ST18: variants seen among roughly 807,000 people sequenced by gnomAD.
The protein encoded by ST18 is suppression of tumorigenicity 18 protein.
A neutral mutation model predicts 110.0 loss-of-function variants in ST18; 50 were observed. The ratio of observed to expected loss-of-function variants is 0.45; its 90% CI spans 0.36 to 0.58. The LOEUF is 0.58. Among genes scored for constraint, ST18 ranks in the 20% least tolerant of loss-of-function variants. The probability of loss-of-function intolerance (pLI) is 0.00; values close to 1 mark genes in which losing one functional copy is unlikely to be tolerated. For synonymous variants in ST18, 461 were observed against 452.4 expected, an observed-to-expected ratio of 1.02 and a Z score of -0.24; for missense variants, 1,306 against 1,280.1, an observed-to-expected ratio of 1.02 and a Z score of -0.31.
At chr8:52,145,081 G>A (rs2056777158) in intron 16 of ST18, among the ~76,000 whole-genome samples, 1 of 150,554 alleles carries the variant, frequency 6.6e-6, no homozygotes, top group African/African-American at 2.4e-5. Flanking sequence ...AACGAAAACG[G>A]CATAAAGTAA....
At chr8:52,160,420 C>G (rs1475420997) in intron 14 of ST18, among the ~76,000 whole-genome samples, 1 of 152,154 alleles carries the variant, frequency 6.6e-6, no homozygotes, top group Admixed American at 6.5e-5. Context: ...AATTCTAGTT[C>G]TCTGAAAGAA....
Position 52,221,365 on chromosome 8 carries a change from A to G in ST18, c.-265+275T>C, listed in dbSNP as rs116069113. ...TAACATGATACCAATCCTTTTGCTA[A>G]TGTTTTAAGTTGTCGTCCAATGAAA... On this transcript the variant is annotated intron_variant, in intron 4 of 25. Transcript: ENST00000689386. Among the ~76,000 whole-genome samples, 520 of 152,274 alleles carry G rather than the reference A, an allele frequency of 3.4e-3. 3 individuals carry two copies. The highest frequency in any genetic ancestry group is 1.0e-2 in the African/African-American group (415 of 41,544).
At chr8:52,388,973 T>TAA (rs61317264) in intron 2 of ST18, among the ~76,000 whole-genome samples, 11,535 of 142,610 alleles carry the variant, frequency 0.081, 736 homozygotes, top group African/African-American at 0.18. Flanking sequence ...AATAATAATT[T>TAA]AAAAAAAAAA....
intron 2 of ST18, among the ~76,000 whole-genome samples, chr8:52,371,226 A>C (rs71513580): frequency 6.6e-6 from 1 of 152,228 alleles, no homozygotes; most frequent in Non-Finnish European, 1.5e-5. Flanking sequence ...TCTAGGTAAA[A>C]CAAAGGCGAA....
chr8:52,237,547 T>A (rs529713112), intron 2 of ST18, among the ~76,000 whole-genome samples: 1 of 152,216 alleles, frequency 6.6e-6, no homozygotes, highest in African/African-American at 2.4e-5. Flanking sequence ...GGGATTGGAC[T>A]CTTGCACTAA....
At chr8:52,200,801 T>A (rs1359246459) in intron 8 of ST18, among the ~76,000 whole-genome samples, 1 of 152,176 alleles carries the variant, frequency 6.6e-6, no homozygotes, top group Admixed American at 6.5e-5. Flanking sequence ...GAGTCAAGGA[T>A]GCCTCCAAGA....
chr8:52,221,440 C>G (rs1203002158), intron 4 of ST18, among the ~76,000 whole-genome samples, 200 bp downstream of exon 4: 1 of 152,154 alleles, frequency 6.6e-6, no homozygotes, highest in Non-Finnish European at 1.5e-5. Context: ...ACAGAGGTGC[C>G]TCACCTCTAT....
chr8:52,133,040 T>G lies in ST18; in HGVS notation c.2444+17A>C. ...ACAAGAGACAGCTGACCCCCATGTC[T>G]CAACTGTTGCACTTACTTCAGTTCA... On this transcript the variant is annotated intron_variant, in intron 21 of 25. Transcript: ENST00000689386. 2.5e-6 allele frequency: 4 copies of G among 1,613,880 alleles called. No homozygotes were observed. Among genetic ancestry groups the G allele is most frequent in the Non-Finnish European group, 3.4e-6 (4 of 1,179,902 alleles).
intron 2 of ST18, among the ~76,000 whole-genome samples, chr8:52,399,540 C>A (rs1241885720): frequency 6.7e-6 from 1 of 149,770 alleles, no homozygotes; most frequent in Non-Finnish European, 1.5e-5. Flanking sequence ...TATTTGGGAT[C>A]TTTCTTCTTT....
At chr8:52,114,777 C>T (rs760897759) in intron 25 of ST18, among the ~76,000 whole-genome samples, 6 of 152,148 alleles carry the variant, frequency 3.9e-5, no homozygotes, top group South Asian at 4.1e-4. Flanking sequence ...GTAAGCTCTC[C>T]GAGCCCTGAT....
At chr8:52,176,052 C>A (rs990692444) in intron 9 of ST18, among the ~76,000 whole-genome samples, 1 of 151,684 alleles carries the variant, frequency 6.6e-6, no homozygotes, top group East Asian at 1.9e-4. Flanking sequence ...GACGGAGTCT[C>A]CCTCTGTCGC....
At chr8:52,229,802 A>G (rs2090762319) in intron 3 of ST18, 1 of 152,206 alleles carries the variant, frequency 6.6e-6, no homozygotes. Flanking sequence ...TGCCCCTAAT[A>G]TCAAACATAT....
At position 52,166,751 on chromosome 8, in the gene ST18, G is replaced by A. The variant is rs2063131570; in HGVS notation, c.1204+101C>T. ...AATTGGCTTGACATAGTTTAAAAAAGTTTGTTTCCATTCCTAATTCCAAAT... is the reference window on the plus strand; with the variant it reads ...AATTGGCTTGACATAGTTTAAAAAAATTTGTTTCCATTCCTAATTCCAAAT... On this transcript the variant is annotated intron_variant, in intron 11 of 25. Coordinates refer to ENST00000689386, the MANE Select transcript of ST18 (RefSeq NM_001352837.2). 3 of 1,366,156 alleles carry A rather than the reference G, an allele frequency of 2.2e-6. No homozygotes were observed. In the East Asian group the frequency reaches 7.8e-5, roughly 35 times the overall value. The allele number at this position is 1,366,156 out of a possible 1,614,324, so 84.6% of individuals were successfully genotyped here. A position where few individuals can be genotyped will look rare whatever the true frequency, so the allele number is the denominator to read the frequency against.
At chr8:52,180,445 A>G (rs2068945106) in intron 8 of ST18, 133 bp from the exon 9 acceptor site, 1 of 857,268 alleles carries the variant, frequency 1.2e-6, no homozygotes, top group Non-Finnish European at 1.8e-6. Flanking sequence ...TACTGGCACT[A>G]ACAAAAACAT....
intron 2 of ST18, among the ~76,000 whole-genome samples, chr8:52,354,419 C>T (rs10095981): frequency 0.022 from 3,413 of 152,200 alleles, 123 homozygotes; most frequent in African/African-American, 0.079. Context: ...TCCTGAATAA[C>T]TGGATATGGT....
intron 8 of ST18, among the ~76,000 whole-genome samples, chr8:52,193,749 C>A (rs762473395): frequency 6.6e-6 from 1 of 152,190 alleles, no homozygotes; most frequent in Non-Finnish European, 1.5e-5. Context: ...GACAAATTCA[C>A]TTTTACCCAG....
intron 2 of ST18, among the ~76,000 whole-genome samples, chr8:52,277,468 TCTA>T (rs1282249894): frequency 6.6e-5 from 10 of 152,230 alleles, no homozygotes; most frequent in Middle Eastern, 3.2e-3. Flanking sequence ...TGTTGAGATT[TCTA>T]ACCAAGGAAA....
chr8:52,187,196 A>G (rs1006057364), intron 8 of ST18, among the ~76,000 whole-genome samples: 1 of 152,236 alleles, frequency 6.6e-6, no homozygotes, highest in Non-Finnish European at 1.5e-5. Context: ...AGAGCCAATG[A>G]TAACAGGTAA....
intron 2 of ST18, among the ~76,000 whole-genome samples, chr8:52,314,818 G>A (rs1248901373): frequency 2.6e-5 from 4 of 152,094 alleles, no homozygotes; most frequent in African/African-American, 7.2e-5. Context: ...GATCCCTGGG[G>A]CAGCAGGGAT....
Sources: allele counts gnomAD v4.1 joint callset (sites outside exome capture counted in the v4.1 genomes callset), GRCh38; gene constraint gnomAD v4.1.1; transcripts MANE v1.5; gene names NCBI Gene and HGNC (gene_info 2026-07-23, HGNC 2026-07-21).